Variants in CRPPA observed in about 807,000 individuals in gnomAD.
CRPPA encodes CDP-L-ribitol pyrophosphorylase A, also known as D-ribitol-5-phosphate cytidylyltransferase.
CRPPA carries 43 observed loss-of-function variants against 52.0 expected under a neutral mutation model. The ratio of observed to expected loss-of-function variants is 0.83; its 90% CI spans 0.65 to 1.07. The LOEUF (loss-of-function observed/expected upper bound fraction) is 1.07. CRPPA is among the 50% of genes least tolerant of loss of function. The pLI is 0.00. For missense variants in CRPPA, 629 were observed against 551.7 expected (o/e 1.14, Z -1.40); for synonymous variants, 250 against 203.5 (o/e 1.23, Z -1.94).
intron 9 of CRPPA, among the ~76,000 whole-genome samples, chr7:16,166,029 C>T (rs528778463): frequency 1.3e-5 from 2 of 152,342 alleles, no homozygotes; most frequent in African/African-American, 4.8e-5. Flanking sequence ...TCTGTCTAAA[C>T]ATGAACATTT....
intron 1 of CRPPA, among the ~76,000 whole-genome samples, chr7:16,413,578 G>T (rs1788120425): frequency 6.6e-6 from 1 of 152,114 alleles, no homozygotes; most frequent in South Asian, 2.1e-4. Context: ...TGTTATCTCA[G>T]CCTAATTCAA....
At chr7:16,142,569 C>T (rs1428020459) in intron 9 of CRPPA, among the ~76,000 whole-genome samples, 2 of 152,054 alleles carry the variant, frequency 1.3e-5, no homozygotes, top group African/African-American at 4.8e-5. Flanking sequence ...CAAAGTAGTT[C>T]CCACTTCTTT....
At chr7:16,222,823 T>C (rs1015031167) in intron 8 of CRPPA, among the ~76,000 whole-genome samples, 3 of 152,318 alleles carry the variant, frequency 2.0e-5, no homozygotes, top group African/African-American at 7.2e-5. Context: ...TACTGATACA[T>C]AATACTTCTA....
rs935540285 is a variant in CRPPA at position 16,090,676 on chromosome 7, T to C, written c.*1019A>G. ...AGGCAGAGGTTGCAGTCAGCTGAGA[T>C]TGTGCCACTGCACTCCAGCCTGACA... On this transcript the variant is annotated 3_prime_UTR_variant, in exon 10 of 10. Transcript: ENST00000407010. 4 of 151,988 alleles carry C rather than the reference T, an allele frequency of 2.6e-5. No homozygotes were observed. Among genetic ancestry groups the C allele is most frequent in the African/African-American group, 7.3e-5 (3 of 41,332 alleles). The allele number at this position is 151,988 out of a possible 1,614,324, so 9.4% of individuals were successfully genotyped here.
intron 9 of CRPPA, among the ~76,000 whole-genome samples, chr7:16,114,293 C>T (rs1243493649): frequency 1.6e-5 from 2 of 128,344 alleles, no homozygotes; most frequent in African/African-American, 5.1e-5. Flanking sequence ...GACACGCACA[C>T]ATACACACAC....
intron 9 of CRPPA, among the ~76,000 whole-genome samples, chr7:16,155,991 A>G (rs1409833012): frequency 6.6e-6 from 1 of 152,134 alleles, no homozygotes. Context: ...CAGCATAAAC[A>G]AACATGATTA....
intron 3 of CRPPA, among the ~76,000 whole-genome samples, chr7:16,348,142 G>T (rs1435947728): frequency 6.6e-6 from 1 of 152,168 alleles, no homozygotes; most frequent in African/African-American, 2.4e-5. Context: ...CTGAGCAGCA[G>T]ATCAGCACTT....
chr7:16,122,888 G>C (rs1188591631), intron 9 of CRPPA, among the ~76,000 whole-genome samples: 2 of 151,976 alleles, frequency 1.3e-5, no homozygotes, highest in East Asian at 3.9e-4. Flanking sequence ...TTCAACATGA[G>C]GTGATAACTA....
intron 8 of CRPPA, among the ~76,000 whole-genome samples, chr7:16,234,805 G>T (rs1782899493): frequency 6.6e-6 from 1 of 152,008 alleles, no homozygotes; most frequent in Non-Finnish European, 1.5e-5. Flanking sequence ...GAGCACAAAG[G>T]TATTAGGGAA....
chr7:16,218,681 A>G (rs1466386827), intron 8 of CRPPA, among the ~76,000 whole-genome samples: 6 of 105,084 alleles, frequency 5.7e-5, no homozygotes, highest in African/African-American at 7.8e-5. Context: ...AACAAAGATC[A>G]AAAGAGACAA....
At chr7:16,271,259 A>G (rs1784083545) in intron 6 of CRPPA, among the ~76,000 whole-genome samples, 1 of 152,140 alleles carries the variant, frequency 6.6e-6, no homozygotes, top group African/African-American at 2.4e-5. Flanking sequence ...ATTGGGTTGA[A>G]CACGCTTATA....
At chr7:16,246,166 T>C (rs761979740) in intron 8 of CRPPA, among the ~76,000 whole-genome samples, 4 of 152,224 alleles carry the variant, frequency 2.6e-5, no homozygotes, top group Non-Finnish European at 4.4e-5. Flanking sequence ...ACTAAGTTTA[T>C]ATAATATTGT....
At chr7:16,172,313 T>C (rs1246254200) in intron 9 of CRPPA, among the ~76,000 whole-genome samples, 1 of 152,102 alleles carries the variant, frequency 6.6e-6, no homozygotes, top group East Asian at 1.9e-4. Flanking sequence ...AGTCAGCTGC[T>C]GGGGTGGGCT....
chr7:16,159,372 CTAT>C (rs1274741289), intron 9 of CRPPA, among the ~76,000 whole-genome samples: 4 of 152,088 alleles, frequency 2.6e-5, no homozygotes, highest in Non-Finnish European at 5.9e-5. Context: ...AAGTATCCCT[CTAT>C]TATTGTGTTC....
chr7:16,394,209 T>A (rs913621320), intron 2 of CRPPA, among the ~76,000 whole-genome samples: 1 of 152,140 alleles, frequency 6.6e-6, no homozygotes, highest in Non-Finnish European at 1.5e-5. Flanking sequence ...ATACTAGTAA[T>A]GTTTACATCA....
chr7:16,185,306 A>C (rs539019696), intron 9 of CRPPA, among the ~76,000 whole-genome samples: 1 of 152,270 alleles, frequency 6.6e-6, no homozygotes, highest in East Asian at 1.9e-4. Flanking sequence ...TACCATGAGA[A>C]CAGTATGGGG....
At chr7:16,110,764 C>A (rs902167498) in intron 9 of CRPPA, among the ~76,000 whole-genome samples, 3 of 151,928 alleles carry the variant, frequency 2.0e-5, no homozygotes, top group East Asian at 1.9e-4. Flanking sequence ...TGAAATTGGG[C>A]CCTAATCTCA....
chr7:16,237,505 C>T (rs1460544673), intron 8 of CRPPA: 1 of 152,146 alleles, frequency 6.6e-6, no homozygotes, highest in Non-Finnish European at 1.5e-5. Flanking sequence ...AAAGGACCCA[C>T]CTCCTAATAC....
At chr7:16,228,448 T>C (rs2128402172) in intron 8 of CRPPA, among the ~76,000 whole-genome samples, 1 of 152,060 alleles carries the variant, frequency 6.6e-6, no homozygotes, top group East Asian at 1.9e-4. Flanking sequence ...TGCTATCAAC[T>C]TCCCTGTTAG....
Sources: allele counts gnomAD v4.1 joint callset (sites outside exome capture counted in the v4.1 genomes callset), GRCh38; gene constraint gnomAD v4.1.1; transcripts MANE v1.5; gene names NCBI Gene and HGNC (gene_info 2026-07-23, HGNC 2026-07-21).